Variants in GALNT16 observed in about 807,000 individuals in gnomAD.
GALNT16 encodes UDP-GalNAc:polypeptide N-acetylgalactosaminyltransferase-like protein 1.
A neutral mutation model predicts 76.1 loss-of-function variants in GALNT16; 40 were observed. The ratio of observed to expected loss-of-function variants is 0.53; its 90% CI spans 0.41 to 0.68. The LOEUF is 0.68. Among genes scored for constraint, GALNT16 ranks in the 30% least tolerant of loss-of-function variants. The probability of loss-of-function intolerance (pLI) is 0.00; values close to 1 mark genes in which losing one functional copy is unlikely to be tolerated. For missense variants in GALNT16, 621 were observed against 731.9 expected (o/e 0.85, Z 1.75); for synonymous variants, 276 against 285.2 (o/e 0.97, Z 0.32).
chr14:69,316,775 G>GGC (rs2045106756), intron 1 of GALNT16, among the ~76,000 whole-genome samples: 2 of 86,642 alleles, frequency 2.3e-5, no homozygotes, highest in South Asian at 1.0e-3. Flanking sequence ...TGTAGTCTGT[G>GGC]AGGGGGGGGG....
At chr14:69,316,619 AG>A (rs1477230135) in intron 1 of GALNT16, among the ~76,000 whole-genome samples, 2 of 152,286 alleles carry the variant, frequency 1.3e-5, no homozygotes, top group East Asian at 3.9e-4. Flanking sequence ...AGGTTTGAGC[AG>A]GGCCCTGCAG....
At chr14:69,361,015 G>A (rs952507377), downstream of GALNT16, among the ~76,000 whole-genome samples, 2 of 152,230 alleles carry the variant, frequency 1.3e-5, no homozygotes, top group African/African-American at 4.8e-5. Flanking sequence ...TGGGCTGAGG[G>A]TTGCCACTGA....
chr14:69,329,452 A>T (rs1365903110), intron 6 of GALNT16, among the ~76,000 whole-genome samples: 1 of 152,238 alleles, frequency 6.6e-6, no homozygotes, highest in Non-Finnish European at 1.5e-5. Flanking sequence ...CAGCATCATT[A>T]GTCATTAGGG....
At chr14:69,343,144 T>G (rs555186417) in intron 12 of GALNT16, among the ~76,000 whole-genome samples, 2 of 152,358 alleles carry the variant, frequency 1.3e-5, no homozygotes, top group South Asian at 4.1e-4. Flanking sequence ...AAAAGCCGCA[T>G]GCGCCCTCTA....
intron 9 of GALNT16, among the ~76,000 whole-genome samples, chr14:69,337,826 C>T (rs1281735495): frequency 1.3e-5 from 2 of 152,124 alleles, no homozygotes; most frequent in East Asian, 3.8e-4. Context: ...CCAGCTATGC[C>T]ACGTGAGAGC....
chr14:69,300,147 C>T (rs766182837), intron 1 of GALNT16, among the ~76,000 whole-genome samples: 1 of 152,172 alleles, frequency 6.6e-6, no homozygotes, highest in Non-Finnish European at 1.5e-5. Flanking sequence ...CCAAAATAAG[C>T]GAATCTCTAA....
chr14:69,325,448 G>T, intron 4 of GALNT16, 44 bp downstream of exon 4: 2 of 1,157,898 alleles, frequency 1.7e-6, no homozygotes, highest in Non-Finnish European at 2.6e-6. Flanking sequence ...TTCCGCCCTC[G>T]TCCCTGTTTC....
chr14:69,336,332 A>G (rs1172097178), intron 9 of GALNT16, among the ~76,000 whole-genome samples: 1 of 151,768 alleles, frequency 6.6e-6, no homozygotes, highest in Admixed American at 6.6e-5. Context: ...ATGGTCTCGA[A>G]CTCCTGACCT....
chr14:69,321,679 G>A (rs1337004351), intron 2 of GALNT16, among the ~76,000 whole-genome samples: 7 of 151,768 alleles, frequency 4.6e-5, no homozygotes, highest in Non-Finnish European at 8.8e-5. Flanking sequence ...CTGCCTAAAC[G>A]CACCTCCTCC....
At position 69,353,604 on chromosome 14, in the gene GALNT16, C is replaced by A. The variant is rs2045664972; in HGVS notation, c.*1436C>A. On this transcript the variant is annotated 3_prime_UTR_variant, in exon 15 of 15. Transcript: ENST00000448469. Reference sequence around the variant, plus strand: ...GGGCAGATATACCTACCACAGGAGCCCCCTGTCTTTCATAGGCCAAGGATC... The same window carrying A: ...GGGCAGATATACCTACCACAGGAGCACCCTGTCTTTCATAGGCCAAGGATC... 6.6e-6 allele frequency: 1 copy of A among 152,220 alleles called. No individual in the cohort carries two copies. The highest frequency in any genetic ancestry group is 1.5e-5 in the Non-Finnish European group (1 of 68,094). The allele number at this position is 152,220 out of a possible 1,614,324, so 9.4% of individuals were successfully genotyped here.
At chr14:69,315,264 T>C (rs2045083826) in intron 1 of GALNT16, among the ~76,000 whole-genome samples, 1 of 152,200 alleles carries the variant, frequency 6.6e-6, no homozygotes, top group African/African-American at 2.4e-5. Context: ...TCCCATTTTA[T>C]AGAAAAAAGT....
At chr14:69,372,623 G>A in the GALNT16 span, among the ~76,000 whole-genome samples, 1 of 151,250 alleles carries the variant, frequency 6.6e-6, no homozygotes, top group Admixed American at 6.6e-5. Context: ...AGCCTCCCGA[G>A]TAGCTGGGAT....
chr14:69,336,728 T>A (rs1307562197), intron 9 of GALNT16, among the ~76,000 whole-genome samples: 7 of 152,034 alleles, frequency 4.6e-5, no homozygotes, highest in Non-Finnish European at 8.8e-5. Flanking sequence ...TTTCATTTTA[T>A]TTATTTATTT....
chr14:69,364,899 C>T, the GALNT16 span, among the ~76,000 whole-genome samples: 304 of 152,168 alleles, frequency 2.0e-3, 1 homozygote, highest in African/African-American at 7.1e-3. The surrounding 1 kb of genome is among the most constrained non-coding windows in gnomAD (Gnocchi z 4.2). Flanking sequence ...AGTATTATTT[C>T]ATTTAATTAC....
chr14:69,339,822 T>C (rs1029405081), intron 11 of GALNT16, among the ~76,000 whole-genome samples: 3 of 152,190 alleles, frequency 2.0e-5, no homozygotes, highest in African/African-American at 7.2e-5. Context: ...TGAAATCTCA[T>C]GGGAGAGAAG....
At chr14:69,293,345 A>G (rs1243085635) in intron 1 of GALNT16, among the ~76,000 whole-genome samples, 1 of 152,240 alleles carries the variant, frequency 6.6e-6, no homozygotes, top group East Asian at 1.9e-4. Context: ...GGCTCTGTAG[A>G]GTTAAGCACT....
rs536180339 is a variant in GALNT16, at chr14:69,339,282, C to A, written c.1095-245C>A. ...ACATGTGGATGGTTCTTCACCTTGTCGAGCTCATGCTTATTCGTACAGCGT... is the reference window on the plus strand; with the variant it reads ...ACATGTGGATGGTTCTTCACCTTGTAGAGCTCATGCTTATTCGTACAGCGT... On this transcript the variant is annotated intron_variant, in intron 10 of 14. Transcript: ENST00000448469. Among the ~76,000 whole-genome samples the A allele has an allele frequency of 1.2e-4, 19 of 152,258 alleles. No individual in the cohort carries two copies. In the South Asian group the frequency reaches 3.9e-3, roughly 32 times the overall value.
At chr14:69,268,862 C>T (rs2044370576) in intron 1 of GALNT16, among the ~76,000 whole-genome samples, 2 of 152,168 alleles carry the variant, frequency 1.3e-5, no homozygotes, top group Admixed American at 1.3e-4. Flanking sequence ...GACAGTGTTC[C>T]AGACAGCCTG....
chr14:69,300,936 G>T (rs1385882976), intron 1 of GALNT16, among the ~76,000 whole-genome samples: 2 of 152,204 alleles, frequency 1.3e-5, no homozygotes, highest in Non-Finnish European at 2.9e-5. Context: ...GCGGTACTCA[G>T]AGTACAAGAA....
Sources: allele counts gnomAD v4.1 joint callset (sites outside exome capture counted in the v4.1 genomes callset), GRCh38; gene constraint gnomAD v4.1.1; non-coding constraint Gnocchi (gnomAD v3.1); transcripts MANE v1.5; gene names NCBI Gene and HGNC (gene_info 2026-07-23, HGNC 2026-07-21).